The following HERC2 variants were observed in gnomAD, a reference collection of about 807,000 sequenced individuals.
HERC2 encodes the protein HECT and RLD domain containing E3 ubiquitin protein ligase 2.
In HERC2, 102 loss-of-function variants were observed where a neutral mutation model predicts 537.7. That is an observed-to-expected ratio of 0.19 (90% confidence interval 0.16 to 0.22). HERC2 has a LOEUF of 0.22. Ranked by LOEUF, HERC2 falls within the 10% of genes least tolerant of loss-of-function variation. The probability of loss-of-function intolerance (pLI) is 1.00; values close to 1 mark genes in which losing one functional copy is unlikely to be tolerated. For missense variants in HERC2, 4,236 were observed against 6,198.2 expected (o/e 0.68, Z 10.63); for synonymous variants, 2,224 against 2,466.2 (o/e 0.90, Z 2.91).
At chr15:28,193,769 T>C (rs1032795073) in intron 52 of HERC2, among the ~76,000 whole-genome samples, 4 of 151,940 alleles carry the variant, frequency 2.6e-5, no homozygotes, top group Non-Finnish European at 4.4e-5. Context: ...ATAAACCAAA[T>C]TGCAATGGAA....
chr15:28,160,118 C>T (rs1893427796), intron 69 of HERC2, among the ~76,000 whole-genome samples: 1 of 152,200 alleles, frequency 6.6e-6, no homozygotes, highest in Non-Finnish European at 1.5e-5. Flanking sequence ...GGGTACCCGG[C>T]CGTGTGAGGT....
At position 28,122,023 on chromosome 15, in the gene HERC2, C is replaced by T. The variant is rs1437132537; in HGVS notation, c.13189-594G>A. Among the ~76,000 whole-genome samples the T allele has an allele frequency of 6.8e-6, 1 of 146,126 alleles. No homozygotes were observed. Among genetic ancestry groups the T allele is most frequent in the Non-Finnish European group, 1.5e-5 (1 of 66,422 alleles). Reference sequence around the variant, plus strand: ...CCGCGGAGCCAGCCGGACCTTGGATCGCCACTGCCTGCCATACAGCAGCCA... The same window carrying T: ...CCGCGGAGCCAGCCGGACCTTGGATTGCCACTGCCTGCCATACAGCAGCCA... On this transcript the variant is annotated intron_variant, in intron 85 of 92. Transcript: ENST00000261609. The surrounding 1 kb of genome is among the most constrained non-coding windows in gnomAD (Gnocchi z 4.1).
rs190615553 is a variant in HERC2, at chr15:28,290,327, G to C, written c.322+2561C>G. Among the ~76,000 whole-genome samples, 76 of 151,534 alleles carry C rather than the reference G, an allele frequency of 5.0e-4. No individual in the cohort carries two copies. In the East Asian group the frequency reaches 0.01, roughly 20 times the overall value. ...CTTTTTTTTTTTGAGATGTAGTCTC[G>C]CTTTGTCACCCAGACTAAAGTGCAG... On this transcript the variant is annotated intron_variant, in intron 4 of 92. Transcript: ENST00000261609.
At chr15:28,308,607 T>C (rs145221325) in intron 2 of HERC2, among the ~76,000 whole-genome samples, 1,896 of 152,060 alleles carry the variant, frequency 0.012, 1 homozygote, top group African/African-American at 0.044. Context: ...GTGGCCACAC[T>C]GAGCATCCTT....
chr15:28,212,415 C>A, intron 43 of HERC2, 30 bp downstream of exon 43: 1 of 1,596,336 alleles, frequency 6.3e-7, no homozygotes. Context: ...AAGACGGCAG[C>A]TATTTCATCA....
intron 23 of HERC2, among the ~76,000 whole-genome samples, chr15:28,240,664 CAATAATAAAG>C (rs1444685833): frequency 4.0e-5 from 6 of 151,892 alleles, no homozygotes; most frequent in Admixed American, 3.9e-4. Flanking sequence ...AAGAAGAAGG[CAATAATAAAG>C]AGTATGGCAC....
chr15:28,180,176 G>A (rs778159723), intron 57 of HERC2, among the ~76,000 whole-genome samples: 29 of 152,054 alleles, frequency 1.9e-4, no homozygotes, highest in Non-Finnish European at 4.0e-4. Flanking sequence ...TATTTTTACC[G>A]TACCTTTTCG....
Position 28,318,242 on chromosome 15 carries a change from A to T in HERC2, c.72+3120T>A, listed in dbSNP as rs567447000. On this transcript the variant is annotated intron_variant, in intron 2 of 92. Transcript: ENST00000261609. ...CACTGTAAAAATAAAAAGTGATGTGACTGACACCTCTTAGCTCTGTAACGT... is the reference window on the plus strand; with the variant it reads ...CACTGTAAAAATAAAAAGTGATGTGTCTGACACCTCTTAGCTCTGTAACGT... Among the ~76,000 whole-genome samples, 439 of 152,268 alleles carry T rather than the reference A, an allele frequency of 2.9e-3. 3 individuals carry two copies. Among genetic ancestry groups the T allele is most frequent in the Middle Eastern group, 0.014 (4 of 294 alleles).
At chr15:28,199,604 T>C (rs957632232) in intron 48 of HERC2, among the ~76,000 whole-genome samples, 4 of 152,170 alleles carry the variant, frequency 2.6e-5, no homozygotes, top group African/African-American at 4.8e-5. Flanking sequence ...CAGCCCCTAA[T>C]GATAGGTCTA....
At chr15:28,228,550 C>T (rs781748265) in intron 34 of HERC2, 141 bp from the exon 35 acceptor site, 76 of 810,256 alleles carry the variant, frequency 9.4e-5, no homozygotes, top group Non-Finnish European at 1.3e-4. Context: ...CAAGAATAAA[C>T]GTAACGCAGA....
At chr15:28,224,203 AGAT>A (rs1900856832) in intron 35 of HERC2, among the ~76,000 whole-genome samples, 1 of 151,772 alleles carries the variant, frequency 6.6e-6, no homozygotes, top group Non-Finnish European at 1.5e-5. Flanking sequence ...ACAGACAGAT[AGAT>A]AGAAAGATTC....
chr15:28,261,603 T>C (rs1239007013), intron 15 of HERC2, among the ~76,000 whole-genome samples: 1 of 152,170 alleles, frequency 6.6e-6, no homozygotes, highest in Admixed American at 6.5e-5. Context: ...TTCTCAACAG[T>C]AATTTAAATA....
chr15:28,277,043 C>A (rs2075892256), intron 5 of HERC2, among the ~76,000 whole-genome samples: 1 of 152,086 alleles, frequency 6.6e-6, no homozygotes, highest in Non-Finnish European at 1.5e-5. Context: ...TCACTGCACT[C>A]CAGCTTGTGG....
intron 23 of HERC2, among the ~76,000 whole-genome samples, chr15:28,239,400 G>A (rs1902814363): frequency 6.6e-6 from 1 of 151,906 alleles, no homozygotes; most frequent in African/African-American, 2.4e-5. Flanking sequence ...CTATGCAAGT[G>A]CTAGGATACC....
chr15:28,185,735 G>A (rs1405486669), intron 56 of HERC2, among the ~76,000 whole-genome samples: 1 of 152,156 alleles, frequency 6.6e-6, no homozygotes, highest in East Asian at 1.9e-4. Context: ...TGTACGTATG[G>A]CCTGGGGGGA....
At chr15:28,295,323 G>T (rs1018066763) in intron 3 of HERC2, among the ~76,000 whole-genome samples, 2 of 126,734 alleles carry the variant, frequency 1.6e-5, no homozygotes, top group African/African-American at 2.9e-5. Context: ...GGGGGGGAGT[G>T]GGGGGGAGGC....
At chr15:28,124,256 C>T (rs1889232729) in intron 84 of HERC2, 22 bp from the exon 85 acceptor site, 1 of 1,425,822 alleles carries the variant, frequency 7.0e-7, no homozygotes, top group Non-Finnish European at 9.3e-7. Flanking sequence ...AAATGGCCTT[C>T]AGCCCCTCAG....
intron 69 of HERC2, among the ~76,000 whole-genome samples, chr15:28,158,535 T>G (rs144534723): frequency 0.01 from 1,564 of 152,326 alleles, 44 homozygotes; most frequent in Admixed American, 0.046. Context: ...TAAAGTCCGT[T>G]TTATCAGAGA....
rs1250585808 is a variant in HERC2 at position 28,144,133 on chromosome 15, C to T, written c.11243G>A (p.Ser3748Asn). 1 of 1,614,208 alleles carries T rather than the reference C, an allele frequency of 6.2e-7. No homozygotes were observed. The highest frequency in any genetic ancestry group is 8.5e-7 in the Non-Finnish European group (1 of 1,180,054). ...DFRLNLASNR[S>N]IVPRLAASLA... ...CGAGGCCGCAAGGCGAGGGACGATG[C>T]TTCTGTTAGAGGCAAGGTTGAGTCG... The change falls in exon 73 of 93, where the codon AGC becomes AAC. Residue 3748 changes from serine (S) to asparagine (N), a missense_variant. Coordinates refer to ENST00000261609, the MANE Select transcript of HERC2 (RefSeq NM_004667.6).
Sources: allele counts gnomAD v4.1 joint callset (sites outside exome capture counted in the v4.1 genomes callset), GRCh38; gene constraint gnomAD v4.1.1; non-coding constraint Gnocchi (gnomAD v3.1); transcripts MANE v1.5; gene names NCBI Gene and HGNC (gene_info 2026-07-23, HGNC 2026-07-21).